The following NAV2 variants were observed in gnomAD, a reference collection of about 807,000 sequenced individuals.
NAV2 encodes the protein neuron navigator 2.
In NAV2, 54 loss-of-function variants were observed where a neutral mutation model predicts 223.2. That is an observed-to-expected ratio of 0.24 (90% CI 0.19 to 0.30). The LOEUF (loss-of-function observed/expected upper bound fraction) is 0.30, where lower values mean the gene tolerates loss of function less well. Ranked by LOEUF, NAV2 falls within the 10% of genes least tolerant of loss-of-function variation. The pLI, the probability that NAV2 is intolerant of heterozygous loss-of-function variation, is 1.00. For missense variants in NAV2, 2,806 were observed against 3,147.5 expected (o/e 0.89, Z 2.60); for synonymous variants, 1,279 against 1,239.3 (o/e 1.03, Z -0.67).
At chr11:19,590,063 C>T (rs191312327) in intron 1 of NAV2, among the ~76,000 whole-genome samples, 6 of 152,252 alleles carry the variant, frequency 3.9e-5, no homozygotes, top group East Asian at 3.9e-4. Context: ...TAGGCTTCCT[C>T]GCTTGTGATC....
chr11:19,490,506 T>A (rs1045579489), intron 1 of NAV2, among the ~76,000 whole-genome samples: 4 of 152,216 alleles, frequency 2.6e-5, no homozygotes, highest in Non-Finnish European at 5.9e-5. Flanking sequence ...AGAAACCATT[T>A]TCTTTGCACA....
chr11:19,571,733 T>G (rs1456113776), intron 1 of NAV2, among the ~76,000 whole-genome samples: 2 of 152,050 alleles, frequency 1.3e-5, no homozygotes, highest in Non-Finnish European at 2.9e-5. Context: ...AAAGAAAAGT[T>G]TAATTTTATG....
intron 11 of NAV2, among the ~76,000 whole-genome samples, chr11:19,984,556 A>G (rs2153453982): frequency 6.6e-6 from 1 of 152,238 alleles, no homozygotes; most frequent in South Asian, 2.1e-4. Flanking sequence ...AGCAGGCCCT[A>G]GGGATGTGCT....
chr11:19,930,288 T>G lies in NAV2; in HGVS notation c.932-2888T>G, dbSNP rs533913545. Among the ~76,000 whole-genome samples the G allele has an allele frequency of 2.6e-5, 4 of 152,306 alleles. No individual in the cohort carries two copies. The East Asian group carries it at 7.7e-4, about 29-fold the overall frequency. On this transcript the variant is annotated intron_variant, in intron 6 of 37. Coordinates refer to ENST00000349880, the MANE Select transcript of NAV2 (RefSeq NM_145117.5). ...GGTCAGTTATTAGCTACTTAGTTGG[T>G]TAATTTCTAGCTGCGATTGTTAGTG...
chr11:19,925,026 T>C (rs1036713363), intron 6 of NAV2, among the ~76,000 whole-genome samples: 1 of 152,236 alleles, frequency 6.6e-6, no homozygotes, highest in African/African-American at 2.4e-5. Context: ...TTGATTTGCT[T>C]TCTCTAATGA....
chr11:19,822,090 G>A (rs1460807308), intron 1 of NAV2, among the ~76,000 whole-genome samples: 1 of 152,206 alleles, frequency 6.6e-6, no homozygotes, highest in Non-Finnish European at 1.5e-5. Context: ...TGTTCACGTT[G>A]CATGGCATCA....
intron 1 of NAV2, among the ~76,000 whole-genome samples, chr11:19,636,360 C>G (rs1289198164): frequency 6.6e-6 from 1 of 152,146 alleles, no homozygotes; most frequent in African/African-American, 2.4e-5. Flanking sequence ...GAAGGCCCTG[C>G]CTGTAACTTA....
intron 11 of NAV2, among the ~76,000 whole-genome samples, chr11:20,025,219 G>A (rs560052188): frequency 2.5e-4 from 38 of 152,180 alleles, no homozygotes; most frequent in Non-Finnish European, 5.0e-4. Flanking sequence ...ATAAGAAAGT[G>A]GAGAGGTGTT....
At chr11:19,358,340 C>A (rs1374544124) in intron 1 of NAV2, among the ~76,000 whole-genome samples, 2 of 152,104 alleles carry the variant, frequency 1.3e-5, no homozygotes, top group Non-Finnish European at 2.9e-5. Context: ...GGGACTGGGA[C>A]AGGTGGCTGA....
At chr11:20,100,196 A>T (rs979578398) in intron 31 of NAV2, among the ~76,000 whole-genome samples, 2 of 152,216 alleles carry the variant, frequency 1.3e-5, no homozygotes, top group Admixed American at 6.5e-5. Flanking sequence ...TAGAGACAGT[A>T]TCCAAAAGAT....
At chr11:19,983,680 T>C (rs964820330) in intron 10 of NAV2, among the ~76,000 whole-genome samples, 4 of 152,196 alleles carry the variant, frequency 2.6e-5, no homozygotes, top group Non-Finnish European at 4.4e-5. Flanking sequence ...TTTCCCCCTC[T>C]CTCAAAAGCC....
At chr11:19,586,074 C>T (rs1015429147) in intron 1 of NAV2, among the ~76,000 whole-genome samples, 5 of 152,114 alleles carry the variant, frequency 3.3e-5, no homozygotes, top group South Asian at 2.1e-4. Flanking sequence ...AGGCTTTATT[C>T]GTTTCTTCTT....
At chr11:20,114,475 A>T in intron 36 of NAV2, 117 bp from the exon 37 acceptor site, 1 of 854,678 alleles carries the variant, frequency 1.2e-6, no homozygotes, top group Non-Finnish European at 1.8e-6. Context: ...AAGTGGAATT[A>T]CTCCATCAGG....
At chr11:19,590,181 G>A (rs995925886) in intron 1 of NAV2, among the ~76,000 whole-genome samples, 3 of 152,172 alleles carry the variant, frequency 2.0e-5, no homozygotes, top group African/African-American at 4.8e-5. Flanking sequence ...GATTAGATGA[G>A]GTAATGCATG....
chr11:19,500,353 C>A (rs1368440812), intron 1 of NAV2, among the ~76,000 whole-genome samples: 2 of 152,168 alleles, frequency 1.3e-5, no homozygotes, highest in Non-Finnish European at 2.9e-5. Flanking sequence ...CAGAGCTAGA[C>A]TCATAAGTGA....
intron 1 of NAV2, chr11:19,760,024 T>C (rs1431946792): frequency 6.5e-6 from 1 of 154,118 alleles, no homozygotes; most frequent in African/African-American, 2.4e-5. Flanking sequence ...GGTGTTATCC[T>C]GTCCATTTGA....
At position 20,103,369 on chromosome 11, in the gene NAV2, G is replaced by A; in HGVS notation, c.6532G>A (p.Glu2178Lys). 2 of 1,614,168 alleles carry A rather than the reference G, an allele frequency of 1.2e-6. No individual in the cohort carries two copies. The highest frequency in any genetic ancestry group is 1.7e-6 in the Non-Finnish European group (2 of 1,179,986). The stretch of plus-strand genomic sequence containing the variant: ...CCTACACCACGTGAGCTCTCTGGGA[G>A]AGATCTTCAATGGGCTGCTCAACTG... ...DNLHHVSSLG[E>K]IFNGLLNCKY... Residue 2178 changes from glutamate to lysine, a missense_variant, in exon 33 of 38, where the codon GAG becomes AAG. Physicochemically the swap from Glu to Lys is moderately conservative, Grantham distance 56 (BLOSUM62 1). Coordinates refer to ENST00000349880, the MANE Select transcript of NAV2 (RefSeq NM_145117.5).
intron 4 of NAV2, among the ~76,000 whole-genome samples, chr11:19,869,990 G>T (rs1590982321): frequency 6.6e-6 from 1 of 152,290 alleles, no homozygotes; most frequent in East Asian, 1.9e-4. Flanking sequence ...TCCTGGTATT[G>T]GGGGTGGGTG....
chr11:19,571,479 G>T (rs1044630349), intron 1 of NAV2, among the ~76,000 whole-genome samples: 1 of 152,140 alleles, frequency 6.6e-6, no homozygotes, highest in Non-Finnish European at 1.5e-5. Context: ...GGCCAAGGTG[G>T]GTGGATCACC....
Sources: gnomAD v4.1 joint callset for allele counts (sites outside exome capture counted in the v4.1 genomes callset) on GRCh38, gnomAD v4.1.1 for gene constraint, MANE v1.5 for transcripts, NCBI Gene and HGNC (gene_info 2026-07-23, HGNC 2026-07-21) for gene names.